PTPRG: variants seen among roughly 807,000 people sequenced by gnomAD.
PTPRG encodes the protein receptor-type tyrosine-protein phosphatase gamma.
A neutral mutation model predicts 165.3 loss-of-function variants in PTPRG; 102 were observed. The ratio of observed to expected loss-of-function variants is 0.62; its 90% CI spans 0.53 to 0.73. PTPRG has a LOEUF of 0.73. Among genes scored for constraint, PTPRG ranks in the 30% least tolerant of loss-of-function variants. PTPRG has a pLI of 0.00. For missense variants in PTPRG, 1,866 were observed against 1,861.4 expected, an observed-to-expected ratio of 1.00 and a Z score of -0.05; for synonymous variants, 675 against 669.5, an observed-to-expected ratio of 1.01 and a Z score of -0.13.
chr3:61,682,202 A>T (rs538358797), intron 1 of PTPRG, among the ~76,000 whole-genome samples: 12 of 152,032 alleles, frequency 7.9e-5, no homozygotes, highest in Non-Finnish European at 1.6e-4. Flanking sequence ...TTTGGAAATA[A>T]TGGTGAACTG....
At chr3:61,746,178 G>A (rs2033193514) in intron 1 of PTPRG, among the ~76,000 whole-genome samples, 1 of 147,046 alleles carries the variant, frequency 6.8e-6, no homozygotes, top group African/African-American at 2.5e-5. Flanking sequence ...AAGTAGCTGG[G>A]ACTACAGGCG....
chr3:61,808,431 A>G (rs1446657121), intron 2 of PTPRG, among the ~76,000 whole-genome samples: 1 of 151,626 alleles, frequency 6.6e-6, no homozygotes, highest in African/African-American at 2.4e-5. Flanking sequence ...TTTTTTTTTC[A>G]TCCACCCCAG....
intron 14 of PTPRG, among the ~76,000 whole-genome samples, chr3:62,232,628 G>A (rs976444023): frequency 2.6e-5 from 4 of 152,178 alleles, no homozygotes; most frequent in Non-Finnish European, 4.4e-5. Flanking sequence ...CCCCAGAAGT[G>A]ATGATGTAGC....
At chr3:61,949,540 A>G (rs1559707874) in intron 2 of PTPRG, among the ~76,000 whole-genome samples, 1 of 152,108 alleles carries the variant, frequency 6.6e-6, no homozygotes, top group Non-Finnish European at 1.5e-5. Context: ...TTTACCTTTT[A>G]TGCAACTCAC....
At chr3:62,133,657 G>A (rs1052634175) in intron 6 of PTPRG, among the ~76,000 whole-genome samples, 3 of 152,236 alleles carry the variant, frequency 2.0e-5, no homozygotes, top group Admixed American at 1.3e-4. Context: ...GAAAAATAGG[G>A]TTACTGAAAA....
intron 6 of PTPRG, among the ~76,000 whole-genome samples, chr3:62,153,181 G>A (rs976965180): frequency 1.3e-5 from 2 of 152,114 alleles, no homozygotes; most frequent in South Asian, 2.1e-4. Flanking sequence ...TATAGAAAAC[G>A]GTTGCTCGTT....
At chr3:62,187,960 T>C (rs1271784195) in intron 8 of PTPRG, among the ~76,000 whole-genome samples, 1 of 152,170 alleles carries the variant, frequency 6.6e-6, no homozygotes, top group Non-Finnish European at 1.5e-5. Context: ...AGAGCTTAAC[T>C]CAGTATTTTT....
chr3:61,941,060 G>T (rs1214799885), intron 2 of PTPRG, among the ~76,000 whole-genome samples: 1 of 152,232 alleles, frequency 6.6e-6, no homozygotes, highest in Non-Finnish European at 1.5e-5. Context: ...TCTTAGGCAA[G>T]TTAATTTACA....
rs373850815 is a variant in PTPRG, at chr3:62,199,964, C to G, written c.1328-1541C>G. 2.0e-5 allele frequency among the ~76,000 whole-genome samples: 3 copies of G among 152,284 alleles called. 1 individual carries two copies. Among genetic ancestry groups the G allele is most frequent in the African/African-American group, 7.2e-5 (3 of 41,556 alleles). ...GACACATGCTGCAAGGTGGATGAAG[C>G]TTGAGGACGTTATGCTAAGTAAAAT... On this transcript the variant is annotated intron_variant, in intron 10 of 29. Coordinates refer to ENST00000474889, the MANE Select transcript of PTPRG (RefSeq NM_002841.4).
At chr3:62,007,054 G>C (rs141014007) in intron 4 of PTPRG, among the ~76,000 whole-genome samples, 34 of 152,252 alleles carry the variant, frequency 2.2e-4, no homozygotes, top group African/African-American at 7.5e-4. Flanking sequence ...TGCTGTTCCT[G>C]GTTTCTTTAG....
chr3:61,834,581 G>A (rs553959829), intron 2 of PTPRG, among the ~76,000 whole-genome samples: 27 of 152,274 alleles, frequency 1.8e-4, no homozygotes, highest in South Asian at 1.2e-3. Flanking sequence ...TTGGGAGGCC[G>A]AGGCAGGTGG....
At chr3:61,836,072 A>ATAT (rs149329464) in intron 2 of PTPRG, among the ~76,000 whole-genome samples, 21 of 138,662 alleles carry the variant, frequency 1.5e-4, no homozygotes, top group South Asian at 9.6e-4. Context: ...CAAAAAAAAA[A>ATAT]ATATATATAT....
intron 6 of PTPRG, among the ~76,000 whole-genome samples, chr3:62,140,499 G>A (rs1308356452): frequency 6.6e-6 from 1 of 152,130 alleles, no homozygotes; most frequent in Admixed American, 6.6e-5. Context: ...TTTATGTAAA[G>A]TGTGAGAACA....
At chr3:61,964,611 G>GC (rs2040226068) in intron 2 of PTPRG, among the ~76,000 whole-genome samples, 1 of 152,022 alleles carries the variant, frequency 6.6e-6, no homozygotes, top group East Asian at 1.9e-4. Context: ...CTTTCTCCAG[G>GC]CACCTATAAA....
intron 1 of PTPRG, among the ~76,000 whole-genome samples, chr3:61,658,433 A>G (rs1196170884): frequency 6.6e-6 from 1 of 152,202 alleles, no homozygotes; most frequent in African/African-American, 2.4e-5. Flanking sequence ...AGGTTCAGGT[A>G]CCAGCTCTGC....
chr3:62,241,203 G>A (rs1437606624), intron 14 of PTPRG, among the ~76,000 whole-genome samples: 3 of 152,092 alleles, frequency 2.0e-5, no homozygotes, highest in Non-Finnish European at 4.4e-5. Flanking sequence ...GCTTAGCCAG[G>A]CTTAAGGAAG....
Position 62,226,640 on chromosome 3 carries a change from G to C in PTPRG, c.2289-4585G>C, listed in dbSNP as rs74501246. 3.6e-3 allele frequency among the ~76,000 whole-genome samples: 548 copies of C among 152,282 alleles called. 1 individual carries two copies. The highest frequency in any genetic ancestry group is 6.3e-3 in the Non-Finnish European group (427 of 68,008). ...CAGCTTTACTTCTCAAATTCAGATA[G>C]GACTGAGCTAACTGCAGATTCTGGA... On this transcript the variant is annotated intron_variant, in intron 13 of 29. Coordinates refer to ENST00000474889, the MANE Select transcript of PTPRG (RefSeq NM_002841.4).
chr3:61,670,300 T>C (rs9863159), intron 1 of PTPRG, among the ~76,000 whole-genome samples: 7,706 of 152,238 alleles, frequency 0.051, 432 homozygotes, highest in African/African-American at 0.14. Flanking sequence ...TGAAAATGTG[T>C]TAATTCTTTC....
chr3:61,697,609 G>A (rs1559561839), intron 1 of PTPRG, among the ~76,000 whole-genome samples: 2 of 152,254 alleles, frequency 1.3e-5, no homozygotes, highest in East Asian at 3.9e-4. Context: ...GATAACCTTT[G>A]GTAACAGTGC....
Sources: allele counts gnomAD v4.1 joint callset (sites outside exome capture counted in the v4.1 genomes callset), GRCh38; gene constraint gnomAD v4.1.1; transcripts MANE v1.5; gene names NCBI Gene and HGNC (gene_info 2026-07-23, HGNC 2026-07-21).